Variants in ZBTB48 observed in about 807,000 individuals in gnomAD.
The protein encoded by ZBTB48 is zinc finger and BTB domain containing 48.
In ZBTB48, 35 loss-of-function variants were observed where a neutral mutation model predicts 64.5. The observed-to-expected ratio is 0.54, with a 90% confidence interval of 0.41 to 0.72. The LOEUF is 0.72. Ranked by LOEUF, ZBTB48 falls within the 30% of genes least tolerant of loss-of-function variation. The probability of loss-of-function intolerance (pLI) is 0.00; values close to 1 mark genes in which losing one functional copy is unlikely to be tolerated. For missense variants in ZBTB48, 828 were observed against 895.3 expected (o/e 0.92, Z 0.96); for synonymous variants, 442 against 356.7 (o/e 1.24, Z -2.70).
rs1216856728 is a variant in ZBTB48, at chr1:6,584,624, C to T, written c.933-1295C>T. Among the ~76,000 whole-genome samples, 2 of 152,234 alleles carry T rather than the reference C, an allele frequency of 1.3e-5. No individual in the cohort carries two copies. The highest frequency in any genetic ancestry group is 2.9e-5 in the Non-Finnish European group (2 of 68,048). ...CTGGGATAACCCCAGTGTCGGGGGTCCTGGGGCAGCCTGTGTACTGCTGGA... is the reference window on the plus strand; with the variant it reads ...CTGGGATAACCCCAGTGTCGGGGGTTCTGGGGCAGCCTGTGTACTGCTGGA... On this transcript the variant is annotated intron_variant, in intron 3 of 10. Coordinates refer to ENST00000377674, the MANE Select transcript of ZBTB48 (RefSeq NM_005341.4). This position sits in a 1 kb window ranked among gnomAD's most constrained non-coding sequence, Gnocchi z 4.5.
In ZBTB48 at chr1:6,588,923, T is replaced by A; in HGVS notation, c.1778T>A (p.Leu593Gln). 6.2e-7 allele frequency: 1 copy of A among 1,613,258 alleles called. No homozygotes were observed. Among genetic ancestry groups the A allele is most frequent in the Non-Finnish European group, 8.5e-7 (1 of 1,179,562 alleles). The change falls in exon 11 of 11, where the codon CTG (leucine) becomes CAG (glutamine). Residue 593 changes from leucine (L) to glutamine (Q), a missense_variant. By Grantham distance (113) the Leu-to-Gln change is moderately radical (BLOSUM62 -2). Transcript: ENST00000377674. ...CGYKFTRQAH[L>Q]RRHMEIHDRV... ...GCTCACCCTCCCCGCCAGGCCCACC[T>A]GCGGAGGCACATGGAGATCCACGAC... is the stretch of plus-strand genomic sequence containing the variant.
intron 3 of ZBTB48, among the ~76,000 whole-genome samples, chr1:6,583,776 CTTTTTTT>C (rs36102416): frequency 3.5e-5 from 3 of 85,888 alleles, no homozygotes; most frequent in Non-Finnish European, 6.8e-5. Flanking sequence ...AATTGTTTTA[CTTTTTTT>C]TTTTTTTTTT....
chr1:6,587,290 CAGTA>C lies in ZBTB48; in HGVS notation c.1224+3_1224+6del, dbSNP rs768761227. The C allele has an allele frequency of 5.6e-6, 9 of 1,614,020 alleles. No homozygotes were observed. Among genetic ancestry groups the C allele is most frequent in the African/African-American group, 2.7e-5 (2 of 75,018 alleles). On this transcript the variant is annotated splice_donor_variant and splice_donor_region_variant and coding_sequence_variant and intron_variant, in exon 6 of 11. Transcript: ENST00000377674. LOFTEE classifies it high-confidence loss of function. ...CTTCATGGAGCCCCCAAGCCCCATG[CAGTA>C]AGTGACAGGGAGGGCTGGGCATGCT...
intron 5 of ZBTB48, 119 bp downstream of exon 5, chr1:6,586,906 TTCCCTGCC>T (rs754495111): frequency 8.6e-6 from 1 of 115,926 alleles, no homozygotes; most frequent in Admixed American, 8.5e-5. Flanking sequence ...GGAGCCTGCC[TTCCCTGCC>T]TTCCCTGCCT....
chr1:6,582,691 G>A (rs543183842), intron 3 of ZBTB48, among the ~76,000 whole-genome samples: 216 of 152,328 alleles, frequency 1.4e-3, no homozygotes, highest in African/African-American at 4.6e-3. Context: ...TGGGCTTTGG[G>A]CCACAGTGCC....
chr1:6,580,939 G>A lies in ZBTB48; in HGVS notation c.330G>A (p.Leu110=), dbSNP rs942313089. ...TGCGAGTGCCAGAGGCCGTAGAGCT[G>A]TGCCAGAGCTTCAAGCCCAAAACTT... ...RELRVPEAVE[L]CQSFKPKTSV... is the part of the protein sequence containing the mutation. Residue 110 remains leucine (L), a synonymous_variant, in exon 2 of 11, where the codon CTG becomes CTA. Coordinates refer to ENST00000377674, the MANE Select transcript of ZBTB48 (RefSeq NM_005341.4). The surrounding 1 kb of genome is among the most constrained non-coding windows in gnomAD (Gnocchi z 5.2). The A allele has an allele frequency of 1.9e-6, 3 of 1,613,918 alleles. No homozygotes were observed. The highest frequency in any genetic ancestry group is 2.7e-5 in the African/African-American group (2 of 74,948).
intron 3 of ZBTB48, among the ~76,000 whole-genome samples, chr1:6,583,785 T>G (rs1640560498): frequency 6.8e-6 from 1 of 147,450 alleles, no homozygotes; most frequent in East Asian, 2.0e-4. Context: ...ACTTTTTTTT[T>G]TTTTTTTTTT....
rs779279204 is a variant in ZBTB48, at chr1:6,580,754, C to T, written c.145C>T (p.His49Tyr). The change falls in exon 2 of 11, where the codon CAC becomes TAC. Residue 49 changes from histidine to tyrosine, a missense_variant. By Grantham distance (83) the His-to-Tyr change is moderately conservative. Transcript: ENST00000377674. The surrounding 1 kb of genome is among the most constrained non-coding windows in gnomAD (Gnocchi z 5.2). ...CTGGAGTGTCCTTGCCTGCTGCAGT[C>T]ACTTTTTCCAGAGCCTCTACGGGGA... ...AHWSVLACCS[H>Y]FFQSLYGDGS... 3 of 1,614,228 alleles carry T rather than the reference C, an allele frequency of 1.9e-6. No individual in the cohort carries two copies. Among genetic ancestry groups the T allele is most frequent in the Non-Finnish European group, 1.7e-6 (2 of 1,180,040 alleles).
intron 2 of ZBTB48, 82 bp downstream of exon 2, chr1:6,581,381 GGT>G: frequency 7.1e-7 from 1 of 1,404,794 alleles, no homozygotes; most frequent in Non-Finnish European, 9.4e-7. Context: ...CCCTGGGCTG[GGT>G]GTGATGGCTC....
At chr1:6,586,884 A>G (rs2148693501) in intron 5 of ZBTB48, 97 bp downstream of exon 5, 1 of 1,390,532 alleles carries the variant, frequency 7.2e-7, no homozygotes, top group East Asian at 2.5e-5. Context: ...CCTCCCTCAC[A>G]GTAGCTGTCA....
Position 6,588,975 on chromosome 1 carries a change from G to A in ZBTB48, c.1830G>A (p.Gln610=), listed in dbSNP as rs137878570. Reference sequence around the variant, plus strand: ...GGGTAGAGAACTACAACCCGCGGCAGCGCAAGCTCCGCAACCTGATCATCG... The same window carrying A: ...GGGTAGAGAACTACAACCCGCGGCAACGCAAGCTCCGCAACCTGATCATCG... ...HDRVENYNPR[Q]RKLRNLIIED... The change falls in exon 11 of 11, where the codon CAG becomes CAA. Residue 610 remains glutamine (Q), a synonymous_variant. Transcript: ENST00000377674. 5.0e-4 allele frequency: 807 copies of A among 1,602,054 alleles called. 2 individuals are homozygous for A. The African/African-American group carries it at 9.6e-3, about 19-fold the overall frequency.
At chr1:6,582,622 T>C (rs1233206008) in intron 3 of ZBTB48, among the ~76,000 whole-genome samples, 1 of 152,244 alleles carries the variant, frequency 6.6e-6, no homozygotes, top group East Asian at 1.9e-4. Context: ...GTGCTAGAGC[T>C]GGGGCCCAAC....
At chr1:6,586,150 G>T (rs1286195324) in intron 4 of ZBTB48, 120 bp downstream of exon 4, 1 of 1,014,372 alleles carries the variant, frequency 9.9e-7, no homozygotes, top group Non-Finnish European at 1.5e-6. Context: ...CAGGAAAGCT[G>T]TGGGGTCCTT....
rs778973008 is a variant in ZBTB48 at position 6,579,997 on chromosome 1, CT to C, written c.-206del. ...CGAGGCGCACCTCCTGGCCTGCACG[CT>C]TTGACGTCACGTCCGGCGCGGAGAC... On this transcript the variant is annotated 5_prime_UTR_variant, in exon 1 of 11. Coordinates refer to ENST00000377674, the MANE Select transcript of ZBTB48 (RefSeq NM_005341.4). The C allele has an allele frequency of 4.6e-6, 1 of 215,430 alleles. No homozygotes were observed. The highest frequency in any genetic ancestry group is 9.4e-6 in the Non-Finnish European group (1 of 106,020). 13.3% of individuals were successfully genotyped at this position (215,430 alleles called of 1,614,324 possible). A position where few individuals can be genotyped will look rare whatever the true frequency, so the allele number is the denominator to read the frequency against.
chr1:6,588,876 C>G (rs368724405), intron 10 of ZBTB48, 32 bp downstream of exon 10: 1 of 1,613,874 alleles, frequency 6.2e-7, no homozygotes, highest in Non-Finnish European at 8.5e-7. Context: ...TTCCCCTACC[C>G]TAGGATCCCC....
chr1:6,589,170 C>G lies in ZBTB48; in HGVS notation c.2025C>G (p.Ser675=). Reference sequence around the variant, plus strand: ...CCGGCCCAGGTGTCCTGGAGCCCTCCCTCATCATCACAGCTGCTGTCCCCG... The same window carrying G: ...CCGGCCCAGGTGTCCTGGAGCCCTCGCTCATCATCACAGCTGCTGTCCCCG... ...SFTGPGVLEP[S]LIITAAVPED... The change falls in exon 11 of 11, where the codon TCC becomes TCG. Residue 675 remains serine (S), a synonymous_variant. Transcript: ENST00000377674. 1 of 1,547,190 alleles carries G rather than the reference C, an allele frequency of 6.5e-7. No individual in the cohort carries two copies. Among genetic ancestry groups the G allele is most frequent in the Non-Finnish European group, 8.7e-7 (1 of 1,150,664 alleles).
chr1:6,582,208 G>T lies in ZBTB48; in HGVS notation c.841G>T (p.Ala281Ser), dbSNP rs760553040. Residue 281 changes from alanine to serine, a missense_variant, in exon 3 of 11, where the codon GCT (alanine) becomes TCT (serine). Ala to Ser is a moderately conservative substitution (Grantham distance 99). Coordinates refer to ENST00000377674, the MANE Select transcript of ZBTB48 (RefSeq NM_005341.4). ...LSAGSLAAEP[A>S]ENRKGTAVPV... is the part of the protein sequence containing the mutation. ...CGCGGGCTCCCTAGCAGCTGAGCCT[G>T]CTGAGAACAGAAAAGGTACAGCGGT... The T allele has an allele frequency of 1.2e-6, 2 of 1,614,262 alleles. No individual in the cohort carries two copies. The highest frequency in any genetic ancestry group is 8.5e-7 in the Non-Finnish European group (1 of 1,180,052).
At chr1:6,586,312 C>T (rs1045803903) in intron 4 of ZBTB48, 9 of 517,394 alleles carry the variant, frequency 1.7e-5, no homozygotes, top group Middle Eastern at 5.1e-4. Flanking sequence ...GAAGGGGAGC[C>T]GCTACAGGGG....
At position 6,584,632 on chromosome 1, in the gene ZBTB48, A is replaced by G. The variant is rs1203684579; in HGVS notation, c.933-1287A>G. ...ACCCCAGTGTCGGGGGTCCTGGGGC[A>G]GCCTGTGTACTGCTGGATGCTTGCT... On this transcript the variant is annotated intron_variant, in intron 3 of 10. Coordinates refer to ENST00000377674, the MANE Select transcript of ZBTB48 (RefSeq NM_005341.4). This position sits in a 1 kb window ranked among gnomAD's most constrained non-coding sequence, Gnocchi z 4.5. 6.6e-6 allele frequency among the ~76,000 whole-genome samples: 1 copy of G among 152,218 alleles called. No individual in the cohort carries two copies.
Sources: allele counts gnomAD v4.1 joint callset (sites outside exome capture counted in the v4.1 genomes callset), GRCh38; gene constraint gnomAD v4.1.1; non-coding constraint Gnocchi (gnomAD v3.1); transcripts MANE v1.5; gene names NCBI Gene and HGNC (gene_info 2026-07-23, HGNC 2026-07-21).